The following SPEG variants were observed in gnomAD, a reference collection of about 807,000 sequenced individuals.
The protein encoded by SPEG is striated muscle preferentially expressed protein kinase.
A neutral mutation model predicts 300.4 loss-of-function variants in SPEG; 114 were observed. That is an observed-to-expected ratio of 0.38 (90% CI 0.33 to 0.44). The LOEUF (loss-of-function observed/expected upper bound fraction) is 0.44. SPEG is among the 20% of genes least tolerant of loss of function. SPEG has a pLI of 1.00. For missense variants in SPEG, 4,201 were observed against 4,586.2 expected (o/e 0.92, Z 2.43); for synonymous variants, 1,964 against 2,018.9 (o/e 0.97, Z 0.73).
In SPEG at chr2:219,483,721, C is replaced by T. The variant is rs1266237743; in HGVS notation, c.6258C>T (p.Gly2086=). 17 of 1,535,390 alleles carry T rather than the reference C, an allele frequency of 1.1e-5. No homozygotes were observed. The highest frequency in any genetic ancestry group is 2.0e-5 in the Admixed American group (1 of 51,222). ...GCCCCGAGGATGGCAAGGTCAGCGG[C>T]CTCAGGGGTCCCCTGCTGGAGAGCC... ...RGGPEDGKVS[G]LRGPLLESLG... is the part of the protein sequence containing the mutation. The change falls in exon 30 of 41, where the codon GGC becomes GGT. Residue 2086 remains glycine (G), a synonymous_variant. Transcript: ENST00000312358.
At chr2:219,485,990 T>TGC (rs763802327) in intron 31 of SPEG, among the ~76,000 whole-genome samples, 1 of 152,234 alleles carries the variant, frequency 6.6e-6, no homozygotes, top group Non-Finnish European at 1.5e-5. Flanking sequence ...GATGTGTGTG[T>TGC]GCTTGGGTGT....
intron 10 of SPEG, 135 bp downstream of exon 10, chr2:219,467,569 C>T (rs377028821): frequency 2.0e-6 from 2 of 1,021,636 alleles, no homozygotes; most frequent in Non-Finnish European, 2.8e-6. Context: ...GGAGCTAGTA[C>T]ATTGCCTTGG....
chr2:219,442,180 G>C (rs1255004612), intron 1 of SPEG: 1 of 817,002 alleles, frequency 1.2e-6, no homozygotes, highest in African/African-American at 1.8e-5. Flanking sequence ...CGGTGGAGGG[G>C]GCGCTGGATC....
intron 1 of SPEG, among the ~76,000 whole-genome samples, chr2:219,438,147 T>C (rs542968602): frequency 1.3e-5 from 2 of 151,962 alleles, no homozygotes; most frequent in Admixed American, 1.3e-4. Context: ...GTGCTGAGAT[T>C]TGGGGGATGT....
rs771006677 is a variant in SPEG, at chr2:219,444,003, T to C, written c.389-650T>C. ...TCTGATAACAGTCTGTCCCTGTCTCTCTCCTGCTGCTCCTATGGAAGCGAA... is the reference window on the plus strand; with the variant it reads ...TCTGATAACAGTCTGTCCCTGTCTCCCTCCTGCTGCTCCTATGGAAGCGAA... On this transcript the variant is annotated intron_variant, in intron 1 of 40. Coordinates refer to ENST00000312358, the MANE Select transcript of SPEG (RefSeq NM_005876.5). The surrounding 1 kb of genome is among the most constrained non-coding windows in gnomAD (Gnocchi z 7.8). 1.5e-6 allele frequency: 2 copies of C among 1,364,148 alleles called. No homozygotes were observed. The highest frequency in any genetic ancestry group is 9.1e-5 in the East Asian group (2 of 21,930). The allele number at this position is 1,364,148 out of a possible 1,614,324, so 84.5% of individuals were successfully genotyped here. A position where few individuals can be genotyped will look rare whatever the true frequency, so the allele number is the denominator to read the frequency against.
rs1209285179 is a variant in SPEG, at chr2:219,449,230, A to T, written c.2072A>T (p.Gln691Leu). The T allele has an allele frequency of 1.4e-6, 2 of 1,392,158 alleles. No homozygotes were observed. Among genetic ancestry groups the T allele is most frequent in the African/African-American group, 3.1e-5 (2 of 65,190 alleles). The allele number at this position is 1,392,158 out of a possible 1,614,324, so 86.2% of individuals were successfully genotyped here. A position where few individuals can be genotyped will look rare whatever the true frequency, so the allele number is the denominator to read the frequency against. ...TGGGACCGCCGAGGGGCCCGCAGCCAGGGCAAAGGTCGCCGGGCCCGGCCC... is the reference window on the plus strand; with the variant it reads ...TGGGACCGCCGAGGGGCCCGCAGCCTGGGCAAAGGTCGCCGGGCCCGGCCC... ...GPWDRRGARSQGKGRRARPTS... is the reference protein window; with the variant it reads ...GPWDRRGARSLGKGRRARPTS... Residue 691 changes from glutamine (Q) to leucine (L), a missense_variant, in exon 4 of 41, where the codon CAG (glutamine) becomes CTG (leucine). Physicochemically the swap from Gln to Leu is moderately radical, Grantham distance 113. Coordinates refer to ENST00000312358, the MANE Select transcript of SPEG (RefSeq NM_005876.5).
rs1689079911 is a variant in SPEG at position 219,443,678 on chromosome 2, G to C, written c.389-975G>C. ...GGGGTCAAAGCACAATGCAAATATT[G>C]TAATAGAGGGTGGGCCTGACTCCTA... On this transcript the variant is annotated intron_variant, in intron 1 of 40. Transcript: ENST00000312358. The surrounding 1 kb of genome is among the most constrained non-coding windows in gnomAD (Gnocchi z 4.6). The C allele has an allele frequency of 3.0e-6, 1 of 328,778 alleles. No individual in the cohort carries two copies. The highest frequency in any genetic ancestry group is 2.5e-5 in the South Asian group (1 of 40,618). The allele number at this position is 328,778 out of a possible 1,614,324, so 20.4% of individuals were successfully genotyped here.
Position 219,484,746 on chromosome 2 carries a change from C to T in SPEG, c.7283C>T (p.Ala2428Val). ...RRTPPAQRHP[A>V]WEARGGDGES... ...ACCCCTCCCGCGCAGCGCCACCCGG[C>T]CTGGGAGGCCCGCGGCGGGGACGGA... is the stretch of plus-strand genomic sequence containing the variant. Residue 2428 changes from alanine (A) to valine (V), a missense_variant, in exon 30 of 41, where the codon GCC (alanine) becomes GTC (valine). Physicochemically the swap from Ala to Val is moderately conservative, Grantham distance 64. This residue lies in a region of SPEG where 1,578 missense variants were observed against 1,506.0 expected (regional missense o/e 1.05). Transcript: ENST00000312358. 6.8e-7 allele frequency: 1 copy of T among 1,468,262 alleles called. No homozygotes were observed. Among genetic ancestry groups the T allele is most frequent in the Admixed American group, 2.6e-5 (1 of 38,790 alleles). 91.0% of individuals were successfully genotyped at this position (1,468,262 alleles called of 1,614,324 possible).
Position 219,473,374 on chromosome 2 carries a change from CCT to C in SPEG, c.4148-125_4148-124del. 1.0e-6 allele frequency: 1 copy of C among 980,418 alleles called. No individual in the cohort carries two copies. Among genetic ancestry groups the C allele is most frequent in the South Asian group, 1.5e-5 (1 of 65,014 alleles). 60.7% of individuals were successfully genotyped at this position (980,418 alleles called of 1,614,324 possible). On this transcript the variant is annotated intron_variant, in intron 16 of 40. Coordinates refer to ENST00000312358, the MANE Select transcript of SPEG (RefSeq NM_005876.5). The surrounding 1 kb of genome is among the most constrained non-coding windows in gnomAD (Gnocchi z 4.6). ...TGTGTTCCCCTGACAAATCGCTAAA[CCT>C]CTCTGAGCTTCAGCTTTCCCATCTG...
In SPEG at chr2:219,473,804, C is replaced by T. The variant is rs1175171346; in HGVS notation, c.4348C>T (p.Arg1450Trp). The stretch of plus-strand genomic sequence containing the variant: ...GCCAGATGATGACCAGTACTGTCTT[C>T]GGATCTGCCGGGTGAGCCGCCGGGA... ...SQPDDDQYCL[R>W]ICRVSRRDMG... Residue 1450 changes from arginine to tryptophan, a missense_variant, in exon 18 of 41, where the codon CGG becomes TGG. Physicochemically the swap from Arg to Trp is moderately radical, Grantham distance 101 (BLOSUM62 -3). Transcript: ENST00000312358. This position sits in a 1 kb window ranked among gnomAD's most constrained non-coding sequence, Gnocchi z 4.6. The T allele has an allele frequency of 3.8e-5, 62 of 1,613,856 alleles. No individual in the cohort carries two copies. The highest frequency in any genetic ancestry group is 5.1e-5 in the Non-Finnish European group (60 of 1,180,050).
rs542469841 is a variant in SPEG, at chr2:219,479,718, G to A, written c.5086-65G>A. The A allele has an allele frequency of 6.6e-5, 99 of 1,499,882 alleles. 2 individuals are homozygous for A. In the African/African-American group the frequency reaches 8.7e-4, roughly 13 times the overall value. 92.9% of individuals were successfully genotyped at this position (1,499,882 alleles called of 1,614,324 possible). A position where few individuals can be genotyped will look rare whatever the true frequency, so the allele number is the denominator to read the frequency against. ...CACAGGCACAGCCGGACCGCTTGCC[G>A]CCCTGGAGGTGTTCAGACATACACC... On this transcript the variant is annotated intron_variant, in intron 23 of 40. Transcript: ENST00000312358. This position sits in a 1 kb window ranked among gnomAD's most constrained non-coding sequence, Gnocchi z 5.5.
Position 219,464,289 on chromosome 2 carries a change from G to T in SPEG, c.2706-144G>T, listed in dbSNP as rs1457767698. 3.4e-6 allele frequency: 3 copies of T among 888,568 alleles called. No homozygotes were observed. In the Admixed American group the frequency reaches 7.5e-5, roughly 22 times the overall value. 55.0% of individuals were successfully genotyped at this position (888,568 alleles called of 1,614,324 possible). A position where few individuals can be genotyped will look rare whatever the true frequency, so the allele number is the denominator to read the frequency against. ...GTAAAAACCTAGCCCTGGAAACCAGGGATGCCCACGGTCAGTGGGACAGAT... is the reference window on the plus strand; with the variant it reads ...GTAAAAACCTAGCCCTGGAAACCAGTGATGCCCACGGTCAGTGGGACAGAT... On this transcript the variant is annotated intron_variant, in intron 8 of 40. Transcript: ENST00000312358. The surrounding 1 kb of genome is among the most constrained non-coding windows in gnomAD (Gnocchi z 4.5).
chr2:219,486,325 A>C (rs1224431056), intron 31 of SPEG, among the ~76,000 whole-genome samples: 1 of 152,240 alleles, frequency 6.6e-6, no homozygotes, highest in Non-Finnish European at 1.5e-5. Flanking sequence ...GAGCGAGTCC[A>C]TGAAGCCAGG....
At chr2:219,487,308 G>A (rs881589) in intron 31 of SPEG, among the ~76,000 whole-genome samples, 56,487 of 152,088 alleles carry the variant, frequency 0.37, 11,250 homozygotes, top group African/African-American at 0.51. Flanking sequence ...TGCTTTGCTG[G>A]AACAGCCTTT....
chr2:219,490,985 G>T (rs769443649), intron 38 of SPEG, 29 bp downstream of exon 38: 2 of 1,580,104 alleles, frequency 1.3e-6, no homozygotes, highest in Non-Finnish European at 8.6e-7. Flanking sequence ...AGCCAGGGTG[G>T]GGACAGGGCC....
Position 219,451,349 on chromosome 2 carries a change from TC to T in SPEG, c.2257+75del. 6.6e-7 allele frequency: 1 copy of T among 1,511,694 alleles called. No homozygotes were observed. Among genetic ancestry groups the T allele is most frequent in the South Asian group, 1.3e-5 (1 of 74,966 alleles). The allele number at this position is 1,511,694 out of a possible 1,614,324, so 93.6% of individuals were successfully genotyped here. A position where few individuals can be genotyped will look rare whatever the true frequency, so the allele number is the denominator to read the frequency against. On this transcript the variant is annotated intron_variant, in intron 5 of 40. Transcript: ENST00000312358. The surrounding 1 kb of genome is among the most constrained non-coding windows in gnomAD (Gnocchi z 6.4). ...GGTGTGTGAGAAGGGAAGGGGAGGT[TC>T]CCCCGGACTCCTCCAAGGGAGGGGT...
Position 219,448,005 on chromosome 2 carries a change from G to A in SPEG, c.847G>A (p.Glu283Lys), listed in dbSNP as rs1476100139. The A allele has an allele frequency of 1.2e-6, 2 of 1,612,512 alleles. No homozygotes were observed. The highest frequency in any genetic ancestry group is 1.7e-6 in the Non-Finnish European group (2 of 1,179,900). The change falls in exon 4 of 41, where the codon GAG becomes AAG. Residue 283 changes from glutamate to lysine, a missense_variant. Transcript: ENST00000312358. ...SVPQSGLRRE[E>K]PDLQPQLASE... ...CCCTCAGAGCGGGTTGCGCAGGGAGGAGCCCGACCTTCAGCCTCAACTGGC... is the reference window on the plus strand; with the variant it reads ...CCCTCAGAGCGGGTTGCGCAGGGAGAAGCCCGACCTTCAGCCTCAACTGGC...
chr2:219,437,823 C>A (rs534600629), intron 1 of SPEG, among the ~76,000 whole-genome samples: 15 of 152,228 alleles, frequency 9.9e-5, no homozygotes, highest in African/African-American at 3.4e-4. Flanking sequence ...TGCTCCAGGG[C>A]AGCCGGGCAA....
chr2:219,450,872 C>T, intron 4 of SPEG: 1 of 378,540 alleles, frequency 2.6e-6, no homozygotes, highest in Non-Finnish European at 4.7e-6. Context: ...GAAGCCAACG[C>T]TCTAATTGTG....
Sources: gnomAD v4.1 joint callset for allele counts (sites outside exome capture counted in the v4.1 genomes callset) on GRCh38, gnomAD v4.1.1 for gene constraint, gnomAD v4.1.1 regional missense constraint, Gnocchi (gnomAD v3.1) non-coding constraint, MANE v1.5 for transcripts, NCBI Gene and HGNC (gene_info 2026-07-23, HGNC 2026-07-21) for gene names.